PPARGC1A: variants seen among roughly 807,000 people sequenced by gnomAD.
PPARGC1A encodes peroxisome proliferator-activated receptor gamma coactivator 1-alpha.
PPARGC1A carries 25 observed loss-of-function variants against 88.7 expected under a neutral mutation model. The observed-to-expected ratio is 0.28, with a 90% CI of 0.21 to 0.39. The LOEUF is 0.39. Ranked by LOEUF, PPARGC1A falls within the 10% of genes least tolerant of loss-of-function variation. The pLI, the probability that PPARGC1A is intolerant of heterozygous loss-of-function variation, is 1.00. For synonymous variants in PPARGC1A, 363 were observed against 355.6 expected, an observed-to-expected ratio of 1.02 and a Z score of -0.24; for missense variants, 880 against 968.7, an observed-to-expected ratio of 0.91 and a Z score of 1.22.
intron 2 of PPARGC1A, among the ~76,000 whole-genome samples, chr4:23,867,794 A>G (rs1328759074): frequency 6.6e-6 from 1 of 152,250 alleles, no homozygotes; most frequent in Non-Finnish European, 1.5e-5. Flanking sequence ...GGCAACTGCG[A>G]TACAAGTATG....
intron 8 of PPARGC1A, 101 bp from the exon 9 acceptor site, chr4:23,813,226 C>G (rs2109456487): frequency 2.1e-6 from 2 of 954,920 alleles, no homozygotes; most frequent in Middle Eastern, 2.9e-4. Flanking sequence ...ATTACAGAGA[C>G]TGGCTTTTTC....
At chr4:24,173,789 T>C in the PPARGC1A span, among the ~76,000 whole-genome samples, 17,202 of 152,186 alleles carry the variant, frequency 0.11, 1,391 homozygotes, top group South Asian at 0.28. Flanking sequence ...ATGGGAATAA[T>C]AACTCAGAGT....
chr4:24,472,294 C>CT, the PPARGC1A span, among the ~76,000 whole-genome samples: 1 of 151,300 alleles, frequency 6.6e-6, no homozygotes, highest in African/African-American at 2.4e-5. The surrounding 1 kb of genome is among the most constrained non-coding windows in gnomAD (Gnocchi z 4.5). Flanking sequence ...TCCCGAGCCT[C>CT]TGCCTCCCCA....
the PPARGC1A span, among the ~76,000 whole-genome samples, chr4:24,391,926 C>A: frequency 6.6e-6 from 1 of 151,990 alleles, no homozygotes; most frequent in Non-Finnish European, 1.5e-5. Context: ...TAAAGATCAG[C>A]CAACCACAGG....
chr4:24,273,884 C>T, the PPARGC1A span, among the ~76,000 whole-genome samples: 2 of 151,758 alleles, frequency 1.3e-5, no homozygotes, highest in African/African-American at 4.8e-5. Context: ...GCACCCGCCA[C>T]CACGCCCAGC....
the PPARGC1A span, among the ~76,000 whole-genome samples, chr4:24,135,252 TG>T: frequency 6.6e-6 from 1 of 152,192 alleles, no homozygotes; most frequent in African/African-American, 2.4e-5. Context: ...GGAGCCATCC[TG>T]AGTGGCTTCA....
chr4:23,999,799 C>G, the PPARGC1A span, among the ~76,000 whole-genome samples: 1 of 152,100 alleles, frequency 6.6e-6, no homozygotes, highest in Admixed American at 6.6e-5. Flanking sequence ...GGAGAGACGA[C>G]AGAAAGGAGC....
chr4:24,364,688 C>A, the PPARGC1A span, among the ~76,000 whole-genome samples: 2 of 152,046 alleles, frequency 1.3e-5, no homozygotes, highest in Non-Finnish European at 2.9e-5. Context: ...TGTGATTATT[C>A]ATTTATATAT....
chr4:23,991,482 G>T, the PPARGC1A span, among the ~76,000 whole-genome samples: 6 of 151,960 alleles, frequency 3.9e-5, no homozygotes, highest in African/African-American at 1.2e-4. Context: ...CCTCCACTCT[G>T]ATTGCATCAG....
At position 23,812,742 on chromosome 4, in the gene PPARGC1A, C is replaced by T; in HGVS notation, c.2019+5G>A. 6.2e-7 allele frequency: 1 copy of T among 1,613,888 alleles called. No homozygotes were observed. The highest frequency in any genetic ancestry group is 8.5e-7 in the Non-Finnish European group (1 of 1,179,916). The stretch of plus-strand genomic sequence containing the variant: ...TAAAATAAAAGTGAGCTCCAGGCCA[C>T]TTACAATTGCCTTCTGCCTCTGCCT... On this transcript the variant is annotated splice_donor_5th_base_variant and intron_variant, in intron 10 of 12. Coordinates refer to ENST00000264867, the MANE Select transcript of PPARGC1A (RefSeq NM_013261.5).
chr4:23,949,094 C>T, the PPARGC1A span, among the ~76,000 whole-genome samples: 2 of 152,040 alleles, frequency 1.3e-5, no homozygotes, highest in Non-Finnish European at 2.9e-5. Flanking sequence ...AGCACTGATT[C>T]AATGAAGATC....
chr4:23,955,296 T>TAC, the PPARGC1A span, among the ~76,000 whole-genome samples: 1 of 152,052 alleles, frequency 6.6e-6, no homozygotes, highest in Non-Finnish European at 1.5e-5. Context: ...CCTCTAGAAA[T>TAC]ACACACAGCA....
chr4:24,120,371 C>A, the PPARGC1A span, among the ~76,000 whole-genome samples: 1 of 152,132 alleles, frequency 6.6e-6, no homozygotes, highest in African/African-American at 2.4e-5. Flanking sequence ...ACTCTGCAAA[C>A]TCTGGCAGAG....
At chr4:23,921,653 T>G in the PPARGC1A span, among the ~76,000 whole-genome samples, 1 of 152,178 alleles carries the variant, frequency 6.6e-6, no homozygotes, top group African/African-American at 2.4e-5. Context: ...GCGCACTTTG[T>G]GTGTGGCTCT....
the PPARGC1A span, among the ~76,000 whole-genome samples, chr4:24,067,586 G>C: frequency 6.6e-6 from 1 of 152,200 alleles, no homozygotes; most frequent in Non-Finnish European, 1.5e-5. Flanking sequence ...ATCGCACGTG[G>C]CCAAGGAAGT....
intron 2 of PPARGC1A, among the ~76,000 whole-genome samples, chr4:23,858,100 A>G (rs1048545183): frequency 6.6e-6 from 1 of 152,008 alleles, no homozygotes; most frequent in Non-Finnish European, 1.5e-5. Flanking sequence ...TTAATATTAC[A>G]TTTGCTATCT....
At chr4:23,983,725 G>C in the PPARGC1A span, among the ~76,000 whole-genome samples, 1 of 151,940 alleles carries the variant, frequency 6.6e-6, no homozygotes, top group African/African-American at 2.4e-5. Flanking sequence ...AGGAAGGGAG[G>C]GAGGAAGGGA....
intron 10 of PPARGC1A, among the ~76,000 whole-genome samples, chr4:23,810,427 C>T (rs944077402): frequency 6.6e-6 from 1 of 152,172 alleles, no homozygotes; most frequent in East Asian, 1.9e-4. Context: ...AAAGGGACAA[C>T]AGGGTAGCAT....
At chr4:24,159,548 T>C in the PPARGC1A span, among the ~76,000 whole-genome samples, 2 of 152,174 alleles carry the variant, frequency 1.3e-5, no homozygotes, top group African/African-American at 2.4e-5. Flanking sequence ...AGCTTATAAA[T>C]GCTAAAGCCC....
Sources: allele counts gnomAD v4.1 joint callset (sites outside exome capture counted in the v4.1 genomes callset), GRCh38; gene constraint gnomAD v4.1.1; non-coding constraint Gnocchi (gnomAD v3.1); transcripts MANE v1.5; gene names NCBI Gene and HGNC (gene_info 2026-07-23, HGNC 2026-07-21).